The following ROBO2 variants were observed in gnomAD, a reference collection of about 807,000 sequenced individuals.
The protein encoded by ROBO2 is roundabout guidance receptor 2.
ROBO2 carries 53 observed loss-of-function variants against 160.8 expected under a neutral mutation model. The ratio of observed to expected loss-of-function variants is 0.33; its 90% CI spans 0.26 to 0.41. ROBO2 has a LOEUF of 0.41. ROBO2 is among the 10% of genes least tolerant of loss of function. The probability of loss-of-function intolerance (pLI) is 1.00; values close to 1 mark genes in which losing one functional copy is unlikely to be tolerated. For missense variants in ROBO2, 1,577 were observed against 1,722.4 expected (o/e 0.92, Z 1.49); for synonymous variants, 664 against 611.7 (o/e 1.09, Z -1.26).
chr3:77,123,738 A>G (rs2075009452), intron 2 of ROBO2, among the ~76,000 whole-genome samples: 1 of 95,080 alleles, frequency 1.1e-5, no homozygotes, highest in Non-Finnish European at 2.2e-5. Flanking sequence ...ATATGTATCT[A>G]GATATATAAT....
At chr3:76,664,584 C>T (rs1260848099) in intron 2 of ROBO2, among the ~76,000 whole-genome samples, 3 of 152,090 alleles carry the variant, frequency 2.0e-5, no homozygotes, top group Admixed American at 6.6e-5. Flanking sequence ...CTTTGTTATG[C>T]GTTTGGAAAA....
intron 2 of ROBO2, among the ~76,000 whole-genome samples, chr3:76,711,404 A>C (rs1056257584): frequency 1.3e-5 from 2 of 152,174 alleles, no homozygotes; most frequent in African/African-American, 4.8e-5. Flanking sequence ...GATTACAACG[A>C]AACGTGAGAT....
chr3:76,601,817 T>G (rs2087170167), intron 2 of ROBO2, among the ~76,000 whole-genome samples: 1 of 152,240 alleles, frequency 6.6e-6, no homozygotes, highest in South Asian at 2.1e-4. Context: ...GCAGCCAGCA[T>G]GAATTTCCCC....
At chr3:76,212,896 A>G (rs1015250128) in intron 2 of ROBO2, among the ~76,000 whole-genome samples, 1 of 68,152 alleles carries the variant, frequency 1.5e-5, no homozygotes, top group African/African-American at 5.1e-5. Flanking sequence ...AGCCTTCCTT[A>G]TATCATGGTG....
chr3:76,990,464 A>G (rs1392060941), intron 2 of ROBO2, among the ~76,000 whole-genome samples: 3 of 152,082 alleles, frequency 2.0e-5, no homozygotes. Context: ...ACAGTTTTTT[A>G]AAAAAACCTT....
At chr3:76,291,894 T>G (rs1208006730) in intron 2 of ROBO2, among the ~76,000 whole-genome samples, 1 of 151,912 alleles carries the variant, frequency 6.6e-6, no homozygotes, top group Admixed American at 6.6e-5. Context: ...TTGATATGAT[T>G]TTTTTTTTCA....
At chr3:77,039,963 C>A (rs902458203) in exon 1 of ROBO2, 3 of 337,916 alleles carry the variant, frequency 8.9e-6, no homozygotes, top group African/African-American at 2.2e-5. Context: ...CTCTCACGCC[C>A]GTCTCTGCTC....
intron 2 of ROBO2, among the ~76,000 whole-genome samples, chr3:76,073,267 CTTTTTTTTTTTTTTT>C (rs869307615): frequency 0.074 from 4,265 of 57,386 alleles, 1,192 homozygotes; most frequent in Middle Eastern, 0.11. Context: ...AATGAGTATT[CTTTTTTTTTTTTTTT>C]TTTTTTTTTT....
rs76677327 is a variant in ROBO2 at position 76,387,260 on chromosome 3, C to A, written c.109+449658C>A. On this transcript the variant is annotated intron_variant, in intron 2 of 26. Coordinates refer to the ROBO2 transcript ENST00000487694. Reference sequence around the variant, plus strand: ...TCCTGTTGGGTTGGGTATTAGGTTTCAGCATGAATTTTGGAGGGAGCACAA... The same window carrying A: ...TCCTGTTGGGTTGGGTATTAGGTTTAAGCATGAATTTTGGAGGGAGCACAA... Among the ~76,000 whole-genome samples the A allele has an allele frequency of 3.8e-3, 582 of 152,180 alleles. 6 individuals carry two copies. Among genetic ancestry groups the A allele is most frequent in the African/African-American group, 0.013 (546 of 41,528 alleles).
At chr3:76,407,731 C>G (rs895856230) in intron 2 of ROBO2, among the ~76,000 whole-genome samples, 4 of 151,886 alleles carry the variant, frequency 2.6e-5, no homozygotes, top group African/African-American at 4.8e-5. Flanking sequence ...TACATACATA[C>G]AAACATAGGT....
chr3:77,184,514 C>A (rs2081100224), intron 2 of ROBO2, among the ~76,000 whole-genome samples: 1 of 151,860 alleles, frequency 6.6e-6, no homozygotes, highest in African/African-American at 2.4e-5. Context: ...TTATGGGAAC[C>A]AAATAATGAC....
At chr3:77,097,329 G>A (rs1364558016) in intron 1 of ROBO2, among the ~76,000 whole-genome samples, 1 of 152,000 alleles carries the variant, frequency 6.6e-6, no homozygotes, top group African/African-American at 2.4e-5. Context: ...CTCTTATTAT[G>A]CTTAATTTAG....
At chr3:76,346,140 G>A (rs1053871185) in intron 2 of ROBO2, among the ~76,000 whole-genome samples, 1 of 152,000 alleles carries the variant, frequency 6.6e-6, no homozygotes, top group Non-Finnish European at 1.5e-5. Flanking sequence ...ACTAAAGAAG[G>A]CTGTCTTTGT....
chr3:76,217,490 G>A (rs150313681), intron 2 of ROBO2, among the ~76,000 whole-genome samples: 16,328 of 152,096 alleles, frequency 0.11, 1,135 homozygotes, highest in African/African-American at 0.2. Flanking sequence ...TATCACCACC[G>A]ATCCCACAGA....
chr3:76,151,008 G>A (rs867939539), intron 2 of ROBO2, among the ~76,000 whole-genome samples: 20 of 152,012 alleles, frequency 1.3e-4, no homozygotes, highest in South Asian at 2.1e-4. Flanking sequence ...CAAGGTCCCC[G>A]ACCCTACCGT....
At chr3:76,322,017 G>T (rs1302704878) in intron 2 of ROBO2, among the ~76,000 whole-genome samples, 1 of 151,496 alleles carries the variant, frequency 6.6e-6, no homozygotes, top group Non-Finnish European at 1.5e-5. Context: ...TTGTAGGGCT[G>T]GTCCTATTCT....
At chr3:77,034,898 T>G (rs1055791236), upstream of ROBO2, among the ~76,000 whole-genome samples, 5 of 151,874 alleles carry the variant, frequency 3.3e-5, no homozygotes, top group East Asian at 9.6e-4. Flanking sequence ...TTCATGAAAG[T>G]GTGGTGTAAA....
intron 2 of ROBO2, among the ~76,000 whole-genome samples, chr3:76,625,001 T>A (rs2109339410): frequency 6.6e-6 from 1 of 152,144 alleles, no homozygotes; most frequent in South Asian, 2.1e-4. Flanking sequence ...TAGCTTCTAA[T>A]CACAAGTTTG....
At chr3:76,397,155 T>G (rs1037881023) in intron 2 of ROBO2, among the ~76,000 whole-genome samples, 2 of 152,100 alleles carry the variant, frequency 1.3e-5, no homozygotes, top group African/African-American at 4.8e-5. Flanking sequence ...AACAGAGCCC[T>G]CAGAAGTAAC....
Sources: gnomAD v4.1 joint callset for allele counts (sites outside exome capture counted in the v4.1 genomes callset) on GRCh38, gnomAD v4.1.1 for gene constraint, MANE v1.5 for transcripts, NCBI Gene and HGNC (gene_info 2026-07-23, HGNC 2026-07-21) for gene names.